SOX5: variants seen among roughly 807,000 people sequenced by gnomAD.
SOX5 encodes the protein transcription factor SOX-5.
A neutral mutation model predicts 92.0 loss-of-function variants in SOX5; 9 were observed. That is an observed-to-expected ratio of 0.10 (90% CI 0.06 to 0.17). The LOEUF is 0.17. Among genes scored for constraint, SOX5 ranks in the 10% least tolerant of loss-of-function variants. The pLI is 1.00. For missense variants in SOX5, 642 were observed against 944.5 expected (o/e 0.68, Z 4.20); for synonymous variants, 344 against 336.3 (o/e 1.02, Z -0.25).
At chr12:24,328,201 T>C (rs775179161) in intron 2 of SOX5, among the ~76,000 whole-genome samples, 1 of 152,228 alleles carries the variant, frequency 6.6e-6, no homozygotes, top group Non-Finnish European at 1.5e-5. Context: ...CAAAGATCTA[T>C]GCATGCTAGC....
chr12:24,528,094 A>G (rs1282760135), intron 1 of SOX5, among the ~76,000 whole-genome samples: 2 of 152,226 alleles, frequency 1.3e-5, no homozygotes, highest in African/African-American at 4.8e-5. Flanking sequence ...GGTCAAACAT[A>G]GGGAATGAAT....
chr12:24,551,574 G>A (rs1183400010), intron 1 of SOX5, among the ~76,000 whole-genome samples: 3 of 152,126 alleles, frequency 2.0e-5, no homozygotes, highest in East Asian at 3.9e-4. Context: ...ACAATCATAC[G>A]GAGAACAAAA....
At chr12:24,523,115 A>C (rs923863121) in intron 1 of SOX5, among the ~76,000 whole-genome samples, 1 of 152,166 alleles carries the variant, frequency 6.6e-6, no homozygotes, top group Non-Finnish European at 1.5e-5. Flanking sequence ...TCTATACACC[A>C]ACAATAAACT....
At chr12:24,236,022 T>C (rs1366017745) in intron 3 of SOX5, among the ~76,000 whole-genome samples, 2 of 151,842 alleles carry the variant, frequency 1.3e-5, no homozygotes, top group African/African-American at 4.8e-5. Flanking sequence ...ACCCCACCTC[T>C]ACTAAAAAAA....
chr12:24,162,025 C>T (rs910865442), intron 4 of SOX5, among the ~76,000 whole-genome samples: 4 of 152,026 alleles, frequency 2.6e-5, no homozygotes, highest in African/African-American at 9.7e-5. Context: ...ATGCTGAAGA[C>T]ATTTTATTCC....
chr12:23,768,262 TA>T (rs1316767713), intron 3 of SOX5, among the ~76,000 whole-genome samples: 1 of 152,150 alleles, frequency 6.6e-6, no homozygotes, highest in Non-Finnish European at 1.5e-5. Flanking sequence ...AGCAAGCTTT[TA>T]CAAACTTGGA....
At chr12:24,254,638 G>A (rs1358797937) in intron 3 of SOX5, among the ~76,000 whole-genome samples, 1 of 151,716 alleles carries the variant, frequency 6.6e-6, no homozygotes, top group Non-Finnish European at 1.5e-5. Context: ...TGTATCACTT[G>A]GGTTATCAAG....
intron 4 of SOX5, among the ~76,000 whole-genome samples, chr12:24,196,233 A>C (rs898712369): frequency 6.6e-6 from 1 of 152,206 alleles, no homozygotes; most frequent in African/African-American, 2.4e-5. Context: ...GCTTTGTACT[A>C]TCTGCTGTGA....
intron 7 of SOX5, among the ~76,000 whole-genome samples, chr12:23,643,937 G>A (rs1177485724): frequency 6.6e-6 from 1 of 152,044 alleles, no homozygotes; most frequent in Non-Finnish European, 1.5e-5. Flanking sequence ...CACATTTTTA[G>A]AACCCACCCT....
chr12:24,303,158 T>G (rs967277689), intron 2 of SOX5, among the ~76,000 whole-genome samples: 1 of 152,198 alleles, frequency 6.6e-6, no homozygotes, highest in African/African-American at 2.4e-5. Context: ...GAAGGAAGGT[T>G]GTATAAGGCT....
chr12:23,612,908 T>G (rs1378026387), intron 8 of SOX5, among the ~76,000 whole-genome samples: 1 of 152,174 alleles, frequency 6.6e-6, no homozygotes, highest in East Asian at 1.9e-4. Context: ...AATGTGGAGT[T>G]TAAAGAGAAA....
intron 6 of SOX5, among the ~76,000 whole-genome samples, chr12:23,706,897 G>C (rs1049057419): frequency 2.0e-5 from 3 of 151,770 alleles, no homozygotes; most frequent in Non-Finnish European, 4.4e-5. Context: ...ATGAGATAGA[G>C]GATATACCTA....
At chr12:23,550,066 C>T (rs1943900148) in intron 11 of SOX5, among the ~76,000 whole-genome samples, 1 of 151,840 alleles carries the variant, frequency 6.6e-6, no homozygotes, top group South Asian at 2.1e-4. Context: ...TTGCATAATG[C>T]AAAACAGCAT....
At chr12:24,141,985 C>T (rs529981638) in intron 4 of SOX5, among the ~76,000 whole-genome samples, 5 of 152,080 alleles carry the variant, frequency 3.3e-5, no homozygotes, top group Middle Eastern at 3.4e-3. Flanking sequence ...CTTGAGGTTT[C>T]TCTGTACTAA....
At chr12:23,980,200 C>G (rs983840496) in intron 4 of SOX5, among the ~76,000 whole-genome samples, 2 of 151,754 alleles carry the variant, frequency 1.3e-5, no homozygotes, top group Non-Finnish European at 2.9e-5. Context: ...ACTGGTGAAG[C>G]CCTTGAATAT....
chr12:23,713,582 T>C (rs2092246797), intron 6 of SOX5, among the ~76,000 whole-genome samples: 1 of 151,908 alleles, frequency 6.6e-6, no homozygotes, highest in Non-Finnish European at 1.5e-5. Context: ...ATTAATACTG[T>C]GGCATTATTT....
At chr12:23,727,284 A>G (rs2093184700) in intron 6 of SOX5, among the ~76,000 whole-genome samples, 2 of 152,158 alleles carry the variant, frequency 1.3e-5, no homozygotes, top group South Asian at 4.1e-4. Flanking sequence ...AAAGTTCAAA[A>G]TATCAAGGAC....
chr12:24,030,487 T>C (rs1032174147), intron 4 of SOX5, among the ~76,000 whole-genome samples: 1 of 151,886 alleles, frequency 6.6e-6, no homozygotes, highest in Non-Finnish European at 1.5e-5. Context: ...TAACTGCATA[T>C]CCATATGCAA....
chr12:24,415,046 A>G (rs1006097659), intron 1 of SOX5, among the ~76,000 whole-genome samples: 1 of 152,146 alleles, frequency 6.6e-6, no homozygotes, highest in Non-Finnish European at 1.5e-5. Context: ...ACTCAAACCA[A>G]AACAGAGGAT....
Sources: allele counts gnomAD v4.1 joint callset (sites outside exome capture counted in the v4.1 genomes callset), GRCh38; gene constraint gnomAD v4.1.1; transcripts MANE v1.5; gene names NCBI Gene and HGNC (gene_info 2026-07-23, HGNC 2026-07-21).